Variants in LEKR1 observed in about 807,000 individuals in gnomAD.
LEKR1 encodes the protein leucine, glutamate and lysine rich 1.
In LEKR1, 59 loss-of-function variants were observed where a neutral mutation model predicts 72.4. The ratio of observed to expected loss-of-function variants is 0.82; its 90% CI spans 0.66 to 1.01. The LOEUF is 1.01. Ranked by LOEUF, LEKR1 falls within the 50% of genes least tolerant of loss-of-function variation. LEKR1 has a pLI of 0.00. For missense variants in LEKR1, 728 were observed against 759.2 expected (o/e 0.96, Z 0.48); for synonymous variants, 257 against 263.2 (o/e 0.98, Z 0.23).
At chr3:156,979,301 TATAAC>T (rs10538251) in intron 7 of LEKR1, 26 bp downstream of exon 7, 151,049 of 1,094,158 alleles carry the variant, frequency 0.14, 12,540 homozygotes, top group African/African-American at 0.31. Flanking sequence ...TTAAACAACT[TATAAC>T]AGTGCTCTGT....
intron 5 of LEKR1, among the ~76,000 whole-genome samples, chr3:156,931,188 C>G (rs2108576875): frequency 6.6e-6 from 1 of 152,130 alleles, no homozygotes; most frequent in East Asian, 1.9e-4. Context: ...TAAAGAATGC[C>G]TACAAGTCAA....
At chr3:156,984,956 T>C (rs1730549454) in intron 7 of LEKR1, among the ~76,000 whole-genome samples, 1 of 151,946 alleles carries the variant, frequency 6.6e-6, no homozygotes, top group South Asian at 2.1e-4. Flanking sequence ...AATATCAGCG[T>C]TCTCCTGATT....
intron 9 of LEKR1, among the ~76,000 whole-genome samples, chr3:157,001,390 T>C (rs1732000819): frequency 6.6e-6 from 1 of 152,154 alleles, no homozygotes; most frequent in Non-Finnish European, 1.5e-5. Context: ...TGATTGACAA[T>C]GTGAAGACAT....
At chr3:156,973,709 G>T (rs1157762933) in intron 6 of LEKR1, among the ~76,000 whole-genome samples, 1 of 152,060 alleles carries the variant, frequency 6.6e-6, no homozygotes, top group Non-Finnish European at 1.5e-5. Flanking sequence ...GGATAGAAAA[G>T]AGACTGAGGA....
At chr3:157,037,356 AT>A (rs1735035343) in intron 12 of LEKR1, among the ~76,000 whole-genome samples, 1 of 152,174 alleles carries the variant, frequency 6.6e-6, no homozygotes, top group Non-Finnish European at 1.5e-5. Flanking sequence ...AAAATTAAAA[AT>A]AATAGAAAGG....
At chr3:156,852,134 C>G (rs1334946218) in intron 2 of LEKR1, 1 of 152,148 alleles carries the variant, frequency 6.6e-6, no homozygotes. Context: ...CGCATATCAG[C>G]TGGTTATTTA....
intron 3 of LEKR1, among the ~76,000 whole-genome samples, chr3:156,874,730 C>T (rs1718364473): frequency 6.6e-6 from 1 of 152,096 alleles, no homozygotes; most frequent in Non-Finnish European, 1.5e-5. Flanking sequence ...TTATATTATT[C>T]TTATGACTTT....
chr3:156,951,326 G>T (rs961713347), intron 6 of LEKR1, among the ~76,000 whole-genome samples: 10 of 150,956 alleles, frequency 6.6e-5, no homozygotes, highest in Non-Finnish European at 8.9e-5. Flanking sequence ...GAATTTTTTT[G>T]TGTGTGTGTC....
chr3:156,865,547 A>G (rs954997291), intron 3 of LEKR1, among the ~76,000 whole-genome samples: 11 of 152,012 alleles, frequency 7.2e-5, no homozygotes, highest in Non-Finnish European at 1.3e-4. Flanking sequence ...AATTCATTCA[A>G]CCACGATGCT....
At chr3:156,921,706 G>T (rs1724213692) in intron 4 of LEKR1, among the ~76,000 whole-genome samples, 1 of 151,984 alleles carries the variant, frequency 6.6e-6, no homozygotes, top group African/African-American at 2.4e-5. Flanking sequence ...TAATAGCTTT[G>T]GCCCATATCT....
At chr3:156,962,699 G>C (rs981844712) in intron 6 of LEKR1, among the ~76,000 whole-genome samples, 3 of 152,064 alleles carry the variant, frequency 2.0e-5, no homozygotes, top group Non-Finnish European at 2.9e-5. Flanking sequence ...ATTAATGTTT[G>C]AATCATAGAG....
At chr3:156,838,093 G>A (rs545837026) in intron 2 of LEKR1, among the ~76,000 whole-genome samples, 1 of 152,170 alleles carries the variant, frequency 6.6e-6, no homozygotes, top group African/African-American at 2.4e-5. Flanking sequence ...GACCTGGCAA[G>A]GCTTAAACTT....
At chr3:157,005,876 AGACTT>A (rs1434480261) in intron 9 of LEKR1, among the ~76,000 whole-genome samples, 1 of 152,338 alleles carries the variant, frequency 6.6e-6, no homozygotes, top group African/African-American at 2.4e-5. Flanking sequence ...AATGAACAAA[AGACTT>A]GAATAGACAA....
At chr3:156,968,609 A>C (rs1338107043) in intron 6 of LEKR1, among the ~76,000 whole-genome samples, 3 of 152,174 alleles carry the variant, frequency 2.0e-5, no homozygotes, top group Non-Finnish European at 2.9e-5. Context: ...CAGGAGCACC[A>C]AGATTCATAA....
chr3:156,866,004 T>A (rs913616607), intron 3 of LEKR1, among the ~76,000 whole-genome samples: 1 of 152,110 alleles, frequency 6.6e-6, no homozygotes, highest in African/African-American at 2.4e-5. Context: ...ATTTGTTTAA[T>A]GTTTGCATTC....
intron 10 of LEKR1, among the ~76,000 whole-genome samples, chr3:157,019,619 T>G (rs945325590): frequency 7.2e-5 from 11 of 152,236 alleles, no homozygotes; most frequent in Admixed American, 7.2e-4. Flanking sequence ...TACTATTAGT[T>G]ATTGTATAAA....
intron 9 of LEKR1, among the ~76,000 whole-genome samples, chr3:156,998,026 G>A (rs946512300): frequency 6.6e-6 from 1 of 152,136 alleles, no homozygotes; most frequent in African/African-American, 2.4e-5. Flanking sequence ...CTGGTGAAAG[G>A]GGTTTCCTTT....
intron 3 of LEKR1, among the ~76,000 whole-genome samples, chr3:156,888,747 A>G (rs1236881666): frequency 6.6e-6 from 1 of 152,132 alleles, no homozygotes; most frequent in Non-Finnish European, 1.5e-5. Flanking sequence ...TCATCCTTCT[A>G]TGTCAGACTT....
At chr3:157,001,879 A>T (rs1305035908) in intron 9 of LEKR1, among the ~76,000 whole-genome samples, 1 of 152,200 alleles carries the variant, frequency 6.6e-6, no homozygotes, top group East Asian at 1.9e-4. Flanking sequence ...CCCAGAGAAT[A>T]AAACAGTGCC....
Sources: allele counts gnomAD v4.1 joint callset (sites outside exome capture counted in the v4.1 genomes callset), GRCh38; gene constraint gnomAD v4.1.1; transcripts MANE v1.5; gene names NCBI Gene and HGNC (gene_info 2026-07-23, HGNC 2026-07-21).